Variants in ZCCHC7 observed in about 807,000 individuals in gnomAD.
The protein encoded by ZCCHC7 is zinc finger CCHC domain-containing protein 7.
Under a neutral mutation model 52.0 loss-of-function variants are expected in ZCCHC7, and 35 were observed. The ratio of observed to expected loss-of-function variants is 0.67; its 90% confidence interval spans 0.51 to 0.89. The LOEUF (loss-of-function observed/expected upper bound fraction) is 0.89, where lower values mean the gene tolerates loss of function less well. ZCCHC7 is among the 40% of genes least tolerant of loss of function. The pLI is 0.00. For missense variants in ZCCHC7, 574 were observed against 649.1 expected, an observed-to-expected ratio of 0.88 and a Z score of 1.26; for synonymous variants, 217 against 221.5, an observed-to-expected ratio of 0.98 and a Z score of 0.18.
At chr9:37,210,516 A>G (rs1335393524) in intron 2 of ZCCHC7, among the ~76,000 whole-genome samples, 1 of 152,216 alleles carries the variant, frequency 6.6e-6, no homozygotes, top group Admixed American at 6.5e-5. Flanking sequence ...GTAGTGTATA[A>G]TAATGAACAA....
chr9:37,225,514 CATGAAT>C lies in ZCCHC7; in HGVS notation c.611-76671_611-76666del, dbSNP rs552063023. Among the ~76,000 whole-genome samples the C allele has an allele frequency of 3.9e-5, 6 of 152,098 alleles. No individual in the cohort carries two copies. In the South Asian group the frequency reaches 1.2e-3, roughly 32 times the overall value. On this transcript the variant is annotated intron_variant, in intron 2 of 8. Coordinates refer to ENST00000336755, the MANE Select transcript of ZCCHC7 (RefSeq NM_032226.3). ...CAGAAAGCTACAGATCTAGATCCTTCATGAATATAGACACAAAAAATTATTAACAAA... is the reference window on the plus strand; with the variant it reads ...CAGAAAGCTACAGATCTAGATCCTTCATAGACACAAAAAATTATTAACAAA...
rs1308986999 is a variant in ZCCHC7, at chr9:37,126,395, A to T, written c.63A>T (p.Ser21=). Residue 21 remains serine (S), a synonymous_variant, in exon 2 of 9, where the codon TCA becomes TCT. Coordinates refer to ENST00000336755, the MANE Select transcript of ZCCHC7 (RefSeq NM_032226.3). ...AAGATGATCTTTATCGAGATGAGTC[A>T]TCTAGTGAACTGAGTGTTGATAGTG... ...AYEDDLYRDE[S]SSELSVDSEV... is the part of the protein sequence containing the mutation. 1 of 1,614,174 alleles carries T rather than the reference A, an allele frequency of 6.2e-7. No individual in the cohort carries two copies. The highest frequency in any genetic ancestry group is 1.7e-5 in the Admixed American group (1 of 60,030).
At chr9:37,316,749 TAACA>T (rs1829840669) in intron 5 of ZCCHC7, among the ~76,000 whole-genome samples, 1 of 152,154 alleles carries the variant, frequency 6.6e-6, no homozygotes, top group South Asian at 2.1e-4. Context: ...TCCCTGTTCT[TAACA>T]AACCAAAACT....
intron 2 of ZCCHC7, among the ~76,000 whole-genome samples, chr9:37,147,953 A>G (rs1016696740): frequency 6.6e-6 from 1 of 152,054 alleles, no homozygotes; most frequent in African/African-American, 2.4e-5. Context: ...AATGATGTCT[A>G]TTCCTGTATT....
chr9:37,339,135 C>A (rs1228733395), intron 6 of ZCCHC7, among the ~76,000 whole-genome samples: 1 of 152,116 alleles, frequency 6.6e-6, no homozygotes, highest in Non-Finnish European at 1.5e-5. Context: ...GCAATGTCCA[C>A]TAGAATACAG....
intron 2 of ZCCHC7, among the ~76,000 whole-genome samples, chr9:37,175,429 C>T (rs774957490): frequency 4.6e-5 from 7 of 151,994 alleles, no homozygotes; most frequent in East Asian, 1.9e-4. Context: ...TTAGGCCAGG[C>T]GTGGTGGCTC....
Position 37,126,858 on chromosome 9 carries a change from T to C in ZCCHC7, c.526T>C (p.Trp176Arg), listed in dbSNP as rs1255286966. ...TISEGDNVESWMLLGCEVDDK... is the reference protein window; with the variant it reads ...TISEGDNVESRMLLGCEVDDK... ...TTCAGAAGGTGATAATGTGGAAAGC[T>C]GGATGCTACTGGGATGTGAAGTAGA... The change falls in exon 2 of 9, where the codon TGG becomes CGG. Residue 176 changes from tryptophan (W) to arginine (R), a missense_variant. Physicochemically the swap from Trp to Arg is moderately radical, Grantham distance 101. This residue lies in a region of ZCCHC7 where 403 missense variants were observed against 461.2 expected (regional missense o/e 0.87). Transcript: ENST00000336755. The C allele has an allele frequency of 1.2e-6, 2 of 1,614,048 alleles. No individual in the cohort carries two copies. The highest frequency in any genetic ancestry group is 1.7e-6 in the Non-Finnish European group (2 of 1,180,026).
rs1564275339 is a variant in ZCCHC7, at chr9:37,354,244, A to G, written c.1084-466A>G. On this transcript the variant is annotated intron_variant, in intron 7 of 8. Coordinates refer to ENST00000336755, the MANE Select transcript of ZCCHC7 (RefSeq NM_032226.3). The surrounding 1 kb of genome is among the most constrained non-coding windows in gnomAD (Gnocchi z 4.0). ...TTGAGTTAAAATAAGCTTGCAAACC[A>G]TTTGTCTCTAGAAAAAAAGATCAAA... 6.6e-6 allele frequency among the ~76,000 whole-genome samples: 1 copy of G among 152,120 alleles called. No homozygotes were observed. Among genetic ancestry groups the G allele is most frequent in the Non-Finnish European group, 1.5e-5 (1 of 68,002 alleles).
At chr9:37,269,241 T>G (rs189187707) in intron 2 of ZCCHC7, among the ~76,000 whole-genome samples, 86 of 152,276 alleles carry the variant, frequency 5.6e-4, no homozygotes, top group African/African-American at 2.0e-3. Context: ...TTGAACGTTA[T>G]TTTTAGAGCA....
rs1390136034 is a variant in ZCCHC7, at chr9:37,218,669, C to T, written c.611-83519C>T. 6.6e-5 allele frequency among the ~76,000 whole-genome samples: 10 copies of T among 152,056 alleles called. No individual in the cohort carries two copies. In the South Asian group the frequency reaches 1.2e-3, roughly 19 times the overall value. ...ACTAAAAATACAAAAATTAGCTGGG[C>T]GTGGTGGCGCGCACTTGTAGTCCCA... On this transcript the variant is annotated intron_variant, in intron 2 of 8. Coordinates refer to ENST00000336755, the MANE Select transcript of ZCCHC7 (RefSeq NM_032226.3).
intron 5 of ZCCHC7, among the ~76,000 whole-genome samples, chr9:37,316,481 T>C (rs1026035774): frequency 2.3e-4 from 34 of 150,554 alleles, no homozygotes; most frequent in Non-Finnish European, 8.9e-5. Context: ...CGCACTACCC[T>C]GCCCAGCTGC....
chr9:37,183,377 C>T (rs769789659), intron 2 of ZCCHC7, among the ~76,000 whole-genome samples: 4 of 152,192 alleles, frequency 2.6e-5, no homozygotes, highest in Non-Finnish European at 5.9e-5. Context: ...GTCAGTCATA[C>T]AGAATTGTGT....
intron 2 of ZCCHC7, among the ~76,000 whole-genome samples, chr9:37,160,864 C>T (rs546145267): frequency 1.1e-4 from 16 of 151,946 alleles, no homozygotes; most frequent in East Asian, 3.9e-4. Flanking sequence ...CTATCCTAGG[C>T]GACAAGAGCG....
intron 2 of ZCCHC7, among the ~76,000 whole-genome samples, chr9:37,264,591 C>T (rs1827014993): frequency 6.6e-6 from 1 of 152,116 alleles, no homozygotes; most frequent in Non-Finnish European, 1.5e-5. Context: ...TTGTGGCTTC[C>T]TAACTTAACT....
chr9:37,233,729 A>G (rs1397421063), intron 2 of ZCCHC7, among the ~76,000 whole-genome samples: 2 of 152,198 alleles, frequency 1.3e-5, no homozygotes, highest in Non-Finnish European at 2.9e-5. Flanking sequence ...ATGGCACTAC[A>G]TGAAGGAATG....
chr9:37,328,894 C>T (rs1830349440), intron 6 of ZCCHC7, among the ~76,000 whole-genome samples: 1 of 151,850 alleles, frequency 6.6e-6, no homozygotes, highest in Non-Finnish European at 1.5e-5. Context: ...TGTAACTCCT[C>T]AACTATTCCT....
At chr9:37,281,704 C>G (rs2133570956) in intron 2 of ZCCHC7, among the ~76,000 whole-genome samples, 1 of 152,266 alleles carries the variant, frequency 6.6e-6, no homozygotes, top group East Asian at 1.9e-4. Context: ...CTAGCAGTTG[C>G]TAAGGGAAGG....
At chr9:37,213,068 T>C (rs1490193848) in intron 2 of ZCCHC7, among the ~76,000 whole-genome samples, 1 of 152,080 alleles carries the variant, frequency 6.6e-6, no homozygotes, top group African/African-American at 2.4e-5. Context: ...TTTAAAACCA[T>C]TTTAAACAAT....
chr9:37,133,089 G>C (rs898745751), intron 2 of ZCCHC7, among the ~76,000 whole-genome samples: 1 of 152,110 alleles, frequency 6.6e-6, no homozygotes. Flanking sequence ...AGCCGAGATC[G>C]TGCCACTGCA....
Sources: allele counts gnomAD v4.1 joint callset (sites outside exome capture counted in the v4.1 genomes callset), GRCh38; gene constraint gnomAD v4.1.1; regional missense constraint gnomAD v4.1.1; non-coding constraint Gnocchi (gnomAD v3.1); transcripts MANE v1.5; gene names NCBI Gene and HGNC (gene_info 2026-07-23, HGNC 2026-07-21).